Variants in TBC1D22A observed in about 807,000 individuals in gnomAD.
TBC1D22A encodes the protein putative GTPase activator.
In TBC1D22A, 38 loss-of-function variants were observed where a neutral mutation model predicts 60.2. The ratio of observed to expected loss-of-function variants is 0.63; its 90% CI spans 0.49 to 0.83. The LOEUF is 0.83. Ranked by LOEUF, TBC1D22A falls within the 40% of genes least tolerant of loss-of-function variation. The pLI is 0.00. For synonymous variants in TBC1D22A, 302 were observed against 281.7 expected, an observed-to-expected ratio of 1.07 and a Z score of -0.72; for missense variants, 628 against 701.0, an observed-to-expected ratio of 0.90 and a Z score of 1.18.
At chr22:46,921,303 A>G (rs1378911732) in intron 8 of TBC1D22A, among the ~76,000 whole-genome samples, 1 of 152,106 alleles carries the variant, frequency 6.6e-6, no homozygotes, top group African/African-American at 2.4e-5. Context: ...TGTGTACTCA[A>G]TATTTAGCTC....
intron 11 of TBC1D22A, among the ~76,000 whole-genome samples, chr22:47,100,074 A>G (rs1311213412): frequency 1.3e-5 from 2 of 152,194 alleles, no homozygotes; most frequent in African/African-American, 2.4e-5. Flanking sequence ...AGTGTTTGCA[A>G]TGAAAACTCT....
intron 4 of TBC1D22A, among the ~76,000 whole-genome samples, chr22:46,810,208 T>C (rs1004169263): frequency 6.6e-6 from 1 of 152,252 alleles, no homozygotes; most frequent in African/African-American, 2.4e-5. Context: ...CGTTTCTAAT[T>C]GGAAAAGCTG....
chr22:46,780,231 T>G (rs1255943388), intron 1 of TBC1D22A, among the ~76,000 whole-genome samples: 1 of 152,232 alleles, frequency 6.6e-6, no homozygotes, highest in African/African-American at 2.4e-5. Context: ...AGAGGTTGAT[T>G]AGCCATCAAA....
At chr22:46,839,292 G>A (rs1012230654) in intron 4 of TBC1D22A, among the ~76,000 whole-genome samples, 12 of 151,868 alleles carry the variant, frequency 7.9e-5, no homozygotes, top group Admixed American at 2.0e-4. Flanking sequence ...TAACCAAGGC[G>A]GTGAAGGATT....
chr22:46,975,719 A>G (rs893386093), intron 9 of TBC1D22A, among the ~76,000 whole-genome samples: 3 of 152,244 alleles, frequency 2.0e-5, no homozygotes, highest in African/African-American at 4.8e-5. Context: ...TCATCAGAAT[A>G]TGGCTTTTAT....
At chr22:46,891,799 G>C (rs918359094) in intron 6 of TBC1D22A, among the ~76,000 whole-genome samples, 2 of 152,246 alleles carry the variant, frequency 1.3e-5, no homozygotes, top group Admixed American at 6.5e-5. Context: ...AGGTTGCCTG[G>C]GGTTCTCTGG....
chr22:46,984,211 A>G (rs2074624206), intron 9 of TBC1D22A, among the ~76,000 whole-genome samples: 1 of 151,720 alleles, frequency 6.6e-6, no homozygotes. Flanking sequence ...TATTAAAAAT[A>G]CAAAAATTAG....
intron 4 of TBC1D22A, among the ~76,000 whole-genome samples, chr22:46,814,300 G>A (rs1410544377): frequency 1.3e-5 from 2 of 152,202 alleles, no homozygotes; most frequent in Non-Finnish European, 2.9e-5. Context: ...GTCCTGTGAA[G>A]TGGATGCTAT....
intron 10 of TBC1D22A, among the ~76,000 whole-genome samples, chr22:47,031,986 T>A (rs2062490212): frequency 6.6e-6 from 1 of 152,150 alleles, no homozygotes; most frequent in African/African-American, 2.4e-5. Flanking sequence ...GTTCCAGAAA[T>A]ATGTGTTTAA....
intron 8 of TBC1D22A, among the ~76,000 whole-genome samples, chr22:46,919,462 T>G (rs1273883929): frequency 6.6e-6 from 1 of 152,236 alleles, no homozygotes; most frequent in Non-Finnish European, 1.5e-5. Context: ...CATTTTTGAC[T>G]AATATTTTGA....
chr22:47,093,307 T>C (rs1489793195), intron 11 of TBC1D22A, among the ~76,000 whole-genome samples: 1 of 152,190 alleles, frequency 6.6e-6, no homozygotes, highest in Non-Finnish European at 1.5e-5. Context: ...GCTGGTGACC[T>C]TGGATCTCTC....
chr22:46,766,439 CTTTG>C (rs912951212), intron 1 of TBC1D22A, among the ~76,000 whole-genome samples: 1 of 152,126 alleles, frequency 6.6e-6, no homozygotes, highest in Non-Finnish European at 1.5e-5. Flanking sequence ...TTGTTTTCCT[CTTTG>C]TTTTTGAGTG....
chr22:46,957,869 C>T (rs773101441), intron 8 of TBC1D22A, among the ~76,000 whole-genome samples: 1 of 152,190 alleles, frequency 6.6e-6, no homozygotes, highest in Non-Finnish European at 1.5e-5. Flanking sequence ...GCATGGAACA[C>T]GTTTCTAACA....
chr22:46,929,416 A>G (rs530063514), intron 8 of TBC1D22A, among the ~76,000 whole-genome samples: 1 of 152,336 alleles, frequency 6.6e-6, no homozygotes, highest in Admixed American at 6.5e-5. Flanking sequence ...GTCTTACTCT[A>G]TCTTTGGTAT....
intron 12 of TBC1D22A, among the ~76,000 whole-genome samples, chr22:47,124,287 G>T (rs779219051): frequency 6.6e-6 from 1 of 152,202 alleles, no homozygotes; most frequent in Non-Finnish European, 1.5e-5. Context: ...AGGGAAGGGC[G>T]CCGTGGGAGC....
chr22:47,000,543 AAGG>A (rs1433910162), intron 10 of TBC1D22A, among the ~76,000 whole-genome samples: 3 of 152,176 alleles, frequency 2.0e-5, no homozygotes, highest in African/African-American at 4.8e-5. Context: ...GCCGCGTGGA[AAGG>A]AGGATGGGCG....
In TBC1D22A at chr22:46,777,885, C is replaced by G. The variant is rs2083769939; in HGVS notation, c.63-14635C>G. Among the ~76,000 whole-genome samples, 1 of 152,204 alleles carries G rather than the reference C, an allele frequency of 6.6e-6. No homozygotes were observed. The highest frequency in any genetic ancestry group is 1.5e-5 in the Non-Finnish European group (1 of 68,036). On this transcript the variant is annotated intron_variant, in intron 1 of 12. Transcript: ENST00000337137. The surrounding 1 kb of genome is among the most constrained non-coding windows in gnomAD (Gnocchi z 4.5). ...GTGAACATCACAGAGCACATTTATA[C>G]AAACCCAGGTAGAGTTAGCGCAGTG...
intron 12 of TBC1D22A, among the ~76,000 whole-genome samples, chr22:47,164,721 A>G (rs1480599730): frequency 6.6e-6 from 1 of 152,178 alleles, no homozygotes; most frequent in African/African-American, 2.4e-5. Flanking sequence ...TGCAGCCTGA[A>G]GTTCACTGGG....
At chr22:47,057,636 C>T (rs929381140) in intron 11 of TBC1D22A, among the ~76,000 whole-genome samples, 8 of 152,178 alleles carry the variant, frequency 5.3e-5, no homozygotes, top group South Asian at 4.1e-4. Flanking sequence ...GGAGCAAAAG[C>T]GCGTCTTACA....
Sources: gnomAD v4.1 joint callset for allele counts (sites outside exome capture counted in the v4.1 genomes callset) on GRCh38, gnomAD v4.1.1 for gene constraint, Gnocchi (gnomAD v3.1) non-coding constraint, MANE v1.5 for transcripts, NCBI Gene and HGNC (gene_info 2026-07-23, HGNC 2026-07-21) for gene names.